SOS2: variants seen among roughly 807,000 people sequenced by gnomAD.
The protein encoded by SOS2 is son of sevenless homolog 2.
A neutral mutation model predicts 148.2 loss-of-function variants in SOS2; 65 were observed. That is an observed-to-expected ratio of 0.44 (90% CI 0.36 to 0.54). SOS2 has a LOEUF of 0.54. SOS2 is among the 20% of genes least tolerant of loss of function. The probability of loss-of-function intolerance (pLI) is 0.00; values close to 1 mark genes in which losing one functional copy is unlikely to be tolerated. For synonymous variants in SOS2, 539 were observed against 537.1 expected (o/e 1.00, Z -0.05); for missense variants, 1,341 against 1,590.2 (o/e 0.84, Z 2.67).
chr14:50,169,835 GATA>G (rs1885302487), intron 8 of SOS2, among the ~76,000 whole-genome samples: 1 of 151,822 alleles, frequency 6.6e-6, no homozygotes, highest in Non-Finnish European at 1.5e-5. Flanking sequence ...TCACTTTATA[GATA>G]ATACTTTTTT....
At chr14:50,128,086 G>A (rs893718083) in intron 21 of SOS2, among the ~76,000 whole-genome samples, 27 of 152,042 alleles carry the variant, frequency 1.8e-4, no homozygotes, top group Non-Finnish European at 8.8e-5. Flanking sequence ...GCTACTAAAG[G>A]AGCTACTCCT....
rs200832789 is a variant in SOS2, at chr14:50,156,936, A to AAT, written c.2057+61_2057+62dup. ...CTATATATTGAAAACTGACACATAA[A>AAT]ATGTGTGTGTGTGTGTATATATATG... On this transcript the variant is annotated intron_variant, in intron 12 of 22. Coordinates refer to ENST00000216373, the MANE Select transcript of SOS2 (RefSeq NM_006939.4). 0.037 allele frequency: 25,084 copies of AAT among 678,546 alleles called. 1,039 individuals carry two copies. The highest frequency in any genetic ancestry group is 0.058 in the African/African-American group (3,260 of 56,228). 42.0% of individuals were successfully genotyped at this position (678,546 alleles called of 1,614,324 possible). A position where few individuals can be genotyped will look rare whatever the true frequency, so the allele number is the denominator to read the frequency against.
At chr14:50,173,296 T>C (rs761208897) in intron 8 of SOS2, among the ~76,000 whole-genome samples, 3 of 152,222 alleles carry the variant, frequency 2.0e-5, no homozygotes, top group Non-Finnish European at 4.4e-5. Flanking sequence ...AATAATTCTA[T>C]GTATACCTTG....
chr14:50,209,755 C>CAA (rs34379246), intron 1 of SOS2, among the ~76,000 whole-genome samples: 3,325 of 146,570 alleles, frequency 0.023, 68 homozygotes, highest in Non-Finnish European at 0.028. Flanking sequence ...GACCTTGTCT[C>CAA]AAAAAAAAAA....
chr14:50,178,671 CATAT>C (rs1170021476), intron 7 of SOS2, among the ~76,000 whole-genome samples: 173 of 14,428 alleles, frequency 0.012, 1 homozygote, highest in Non-Finnish European at 0.018. Context: ...TGTGTGTGTG[CATAT>C]ATATATATAT....
At chr14:50,204,144 T>C in intron 2 of SOS2, 140 bp downstream of exon 2, 1 of 511,322 alleles carries the variant, frequency 2.0e-6, no homozygotes, top group Non-Finnish European at 3.3e-6. Flanking sequence ...CTTGACATTT[T>C]TGTCAAAAAC....
intron 21 of SOS2, among the ~76,000 whole-genome samples, chr14:50,120,898 C>A (rs939973234): frequency 1.3e-5 from 2 of 151,976 alleles, no homozygotes; most frequent in African/African-American, 4.8e-5. Context: ...CACTACCACC[C>A]CCAGCTAATT....
chr14:50,124,050 TAAG>T (rs1414370622), intron 21 of SOS2, among the ~76,000 whole-genome samples: 1 of 152,122 alleles, frequency 6.6e-6, no homozygotes, highest in Non-Finnish European at 1.5e-5. Context: ...GAGGGGATAA[TAAG>T]AAGCTCAGTT....
chr14:50,150,777 TA>T (rs1884637434), intron 13 of SOS2, among the ~76,000 whole-genome samples: 1 of 151,940 alleles, frequency 6.6e-6, no homozygotes. Flanking sequence ...GGCTGGAGAA[TA>T]ATGGCGTGAT....
intron 1 of SOS2, among the ~76,000 whole-genome samples, chr14:50,205,384 A>C (rs1886627047): frequency 6.6e-6 from 1 of 152,280 alleles, no homozygotes. Flanking sequence ...AGTCAGAAGG[A>C]TATCAGAAGC....
At chr14:50,226,234 G>A (rs1465775289) in intron 1 of SOS2, among the ~76,000 whole-genome samples, 1 of 152,118 alleles carries the variant, frequency 6.6e-6, no homozygotes, top group Non-Finnish European at 1.5e-5. Context: ...CTTGAGCCCA[G>A]GAGTTCAAGA....
Position 50,131,546 on chromosome 14 carries a change from G to GCTCAAACATATCTAGTTTGAGATA in SOS2, c.3076-808_3076-785dup, listed in dbSNP as rs549000117. On this transcript the variant is annotated intron_variant, in intron 19 of 22. Transcript: ENST00000216373. ...ATAACATGTCTGAACAGTTTGAGATGCTCAAACATATCTAGTTTGAGATAC... is the reference window on the plus strand; with the variant it reads ...ATAACATGTCTGAACAGTTTGAGATGCTCAAACATATCTAGTTTGAGATACTCAAACATATCTAGTTTGAGATAC... Among the ~76,000 whole-genome samples the GCTCAAACATATCTAGTTTGAGATA allele has an allele frequency of 4.6e-3, 701 of 152,096 alleles. 4 individuals carry two copies. The highest frequency in any genetic ancestry group is 7.0e-3 in the African/African-American group (291 of 41,476).
chr14:50,219,949 G>A (rs1278780359), intron 1 of SOS2, among the ~76,000 whole-genome samples: 3 of 151,904 alleles, frequency 2.0e-5, no homozygotes, highest in South Asian at 2.1e-4. Context: ...CGAACTCCTG[G>A]GCTCAAGTGA....
At position 50,117,607 on chromosome 14, in the gene SOS2, A is replaced by G. The variant is rs566902993; in HGVS notation, c.*737T>C. The G allele has an allele frequency of 6.6e-6, 1 of 152,364 alleles. No homozygotes were observed. Among genetic ancestry groups the G allele is most frequent in the South Asian group, 2.1e-4 (1 of 4,832 alleles). 9.4% of individuals were successfully genotyped at this position (152,364 alleles called of 1,614,324 possible). On this transcript the variant is annotated 3_prime_UTR_variant, in exon 23 of 23. Coordinates refer to ENST00000216373, the MANE Select transcript of SOS2 (RefSeq NM_006939.4). The stretch of plus-strand genomic sequence containing the variant: ...ATAAACAAAACTGTACATACATGGC[A>G]TATTAACTGTTTTCCATAACAATAG...
intron 4 of SOS2, among the ~76,000 whole-genome samples, chr14:50,196,331 T>C (rs898507284): frequency 2.0e-5 from 3 of 152,202 alleles, no homozygotes; most frequent in Admixed American, 6.5e-5. Context: ...GGTGTATATA[T>C]GTATGGGGTA....
intron 1 of SOS2, among the ~76,000 whole-genome samples, chr14:50,206,917 A>T (rs972617141): frequency 6.6e-6 from 1 of 152,130 alleles, no homozygotes. Context: ...CTGGTCTTGA[A>T]CTTGTGAGCT....
chr14:50,190,746 G>A (rs534087150), intron 4 of SOS2, among the ~76,000 whole-genome samples: 13 of 152,248 alleles, frequency 8.5e-5, no homozygotes, highest in South Asian at 4.1e-4. Context: ...CTAATCTCAT[G>A]TTCTGTGACA....
At chr14:50,135,763 T>C (rs1038167455) in intron 18 of SOS2, among the ~76,000 whole-genome samples, 1 of 147,918 alleles carries the variant, frequency 6.8e-6, no homozygotes, top group Non-Finnish European at 1.5e-5. Flanking sequence ...AAATTTTAAC[T>C]CTATAGTATT....
At chr14:50,184,101 T>C (rs1885834051) in intron 5 of SOS2, among the ~76,000 whole-genome samples, 1 of 152,198 alleles carries the variant, frequency 6.6e-6, no homozygotes, top group African/African-American at 2.4e-5. Context: ...AAATATAGTA[T>C]AATCTTACAG....
Sources: gnomAD v4.1 joint callset for allele counts (sites outside exome capture counted in the v4.1 genomes callset) on GRCh38, gnomAD v4.1.1 for gene constraint, MANE v1.5 for transcripts, NCBI Gene and HGNC (gene_info 2026-07-23, HGNC 2026-07-21) for gene names.